The following RAB33A variants were observed in gnomAD, a reference collection of about 807,000 sequenced individuals.
The protein encoded by RAB33A is ras-related protein Rab-33A.
Under a neutral mutation model 12.0 loss-of-function variants are expected in RAB33A, and 6 were observed. The observed-to-expected ratio is 0.50, with a 90% CI of 0.27 to 0.99. The LOEUF (loss-of-function observed/expected upper bound fraction) is 0.99. Ranked by LOEUF, RAB33A falls within the 50% of genes least tolerant of loss-of-function variation. The probability of loss-of-function intolerance (pLI) is 0.11; values close to 1 mark genes in which losing one functional copy is unlikely to be tolerated. For missense variants in RAB33A, 109 were observed against 192.0 expected, an observed-to-expected ratio of 0.57 and a Z score of 2.55; for synonymous variants, 70 against 82.4, an observed-to-expected ratio of 0.85 and a Z score of 0.81.
intron 1 of RAB33A, among the ~76,000 whole-genome samples, chrX:130,177,990 T>C (rs2031680244): frequency 8.9e-6 from 1 of 111,877 alleles, no homozygotes; most frequent in African/African-American, 3.2e-5. Flanking sequence ...CAGGGGTTTA[T>C]GAAGATGCTG....
At chrX:130,115,681 G>GAGGA in the RAB33A span, among the ~76,000 whole-genome samples, 7 of 95,152 alleles carry the variant, frequency 7.4e-5, no homozygotes, top group East Asian at 3.2e-4. Flanking sequence ...GAGAGAGAGA[G>GAGGA]AGGAAGGAAG....
chrX:130,143,945 C>T, the RAB33A span, among the ~76,000 whole-genome samples: 3 of 111,470 alleles, frequency 2.7e-5, no homozygotes, highest in South Asian at 3.8e-4. Context: ...CAGACAGACC[C>T]GGGCTCAAAT....
chrX:130,133,916 G>T, the RAB33A span, among the ~76,000 whole-genome samples: 1 of 110,084 alleles, frequency 9.1e-6, no homozygotes, highest in Non-Finnish European at 1.9e-5. Context: ...ACAGGCATGA[G>T]TCACCACGCC....
chrX:130,168,209 T>A (rs2031565793), upstream of RAB33A, among the ~76,000 whole-genome samples: 1 of 104,835 alleles, frequency 9.5e-6, no homozygotes, highest in Non-Finnish European at 2.0e-5. Context: ...ACAAAGATAC[T>A]CTTTTTTTTT....
At chrX:130,153,227 G>T in the RAB33A span, among the ~76,000 whole-genome samples, 30 of 104,362 alleles carry the variant, frequency 2.9e-4, no homozygotes, top group Non-Finnish European at 1.4e-4. Flanking sequence ...GCAGGCGCCT[G>T]TAGTCCCAGC....
the RAB33A span, chrX:130,147,855 G>A: frequency 8.3e-7 from 1 of 1,211,689 alleles, no homozygotes; most frequent in East Asian, 3.0e-5. Flanking sequence ...CTTGTCTTGA[G>A]GAACTTCCTC....
At chrX:130,129,986 A>G in the RAB33A span, 2 of 1,211,600 alleles carry the variant, frequency 1.7e-6, no homozygotes, top group Non-Finnish European at 2.2e-6. Flanking sequence ...TGCTATTGGC[A>G]TTCGGTTAAA....
chrX:130,168,494 A>G (rs1330429252), upstream of RAB33A, among the ~76,000 whole-genome samples: 2 of 111,357 alleles, frequency 1.8e-5, no homozygotes, highest in Admixed American at 1.9e-4. Context: ...GATTACAGGC[A>G]TGAGCCACCT....
At chrX:130,172,653 A>G (rs1322439201) in intron 1 of RAB33A, among the ~76,000 whole-genome samples, 4 of 111,942 alleles carry the variant, frequency 3.6e-5, no homozygotes, top group Non-Finnish European at 7.5e-5. Flanking sequence ...GGCAGGAGGC[A>G]TCTGTGGGTC....
chrX:130,144,840 C>T, the RAB33A span, among the ~76,000 whole-genome samples: 1 of 112,561 alleles, frequency 8.9e-6, no homozygotes, highest in Non-Finnish European at 1.9e-5. Flanking sequence ...AACCTATATC[C>T]ATCTTCTCTG....
At chrX:130,182,420 A>G (rs2124688250) in intron 1 of RAB33A, among the ~76,000 whole-genome samples, 1 of 109,719 alleles carries the variant, frequency 9.1e-6, no homozygotes, top group South Asian at 3.8e-4. Context: ...GCATATGTTT[A>G]TGTTTAACGT....
At chrX:130,174,418 A>G (rs1198365054) in intron 1 of RAB33A, among the ~76,000 whole-genome samples, 2 of 112,053 alleles carry the variant, frequency 1.8e-5, no homozygotes, top group African/African-American at 3.2e-5. Flanking sequence ...AGCTGCTGCA[A>G]TCTCAGGACC....
the RAB33A span, among the ~76,000 whole-genome samples, chrX:130,111,263 C>T: frequency 1.3e-3 from 151 of 112,075 alleles, 1 homozygote; most frequent in African/African-American, 4.7e-3. Flanking sequence ...GCTCTCTGCT[C>T]GTTCCGCGCC....
chrX:130,142,935 T>C, the RAB33A span, among the ~76,000 whole-genome samples: 1 of 112,252 alleles, frequency 8.9e-6, no homozygotes, highest in South Asian at 3.7e-4. Context: ...AATCTCACAG[T>C]GCATTTTACG....
chrX:130,141,383 G>A, the RAB33A span, among the ~76,000 whole-genome samples: 1 of 111,699 alleles, frequency 9.0e-6, no homozygotes, highest in African/African-American at 3.3e-5. Flanking sequence ...TGTGGAAAAG[G>A]AGAATCGGAA....
At chrX:130,145,398 T>C in the RAB33A span, 1 of 745,413 alleles carries the variant, frequency 1.3e-6, no homozygotes, top group South Asian at 2.1e-5. Context: ...CAGACATAAA[T>C]GGTAATGGAA....
At chrX:130,137,365 A>T in the RAB33A span, 1 of 1,153,369 alleles carries the variant, frequency 8.7e-7, no homozygotes, top group Non-Finnish European at 1.2e-6. Context: ...GTTCATTTGT[A>T]ACGCAAATAC....
the RAB33A span, chrX:130,129,466 A>G: frequency 2.7e-6 from 2 of 730,651 alleles, no homozygotes; most frequent in Non-Finnish European, 4.4e-6. Context: ...ACTCATACAC[A>G]GAGAAAGTCT....
the RAB33A span, among the ~76,000 whole-genome samples, chrX:130,136,403 C>T: frequency 1.2e-4 from 14 of 112,308 alleles, no homozygotes; most frequent in East Asian, 4.0e-3. Context: ...GCCACCCTAG[C>T]CAGGACTCAA....
Sources: allele counts gnomAD v4.1 joint callset (sites outside exome capture counted in the v4.1 genomes callset), GRCh38; gene constraint gnomAD v4.1.1; transcripts MANE v1.5; gene names NCBI Gene and HGNC (gene_info 2026-07-23, HGNC 2026-07-21).